Variants in MYT1 observed in about 807,000 individuals in gnomAD.
The protein encoded by MYT1 is myelin transcription factor 1.
Under a neutral mutation model 123.0 loss-of-function variants are expected in MYT1, and 23 were observed. That is an observed-to-expected ratio of 0.19 (90% CI 0.13 to 0.26). The LOEUF is 0.26. MYT1 is among the 10% of genes least tolerant of loss of function. The pLI is 1.00. For missense variants in MYT1, 1,125 were observed against 1,472.5 expected (o/e 0.76, Z 3.86); for synonymous variants, 518 against 575.3 (o/e 0.90, Z 1.43).
In MYT1 at chr20:64,232,264, G is replaced by C; in HGVS notation, c.2776G>C (p.Glu926Gln). 1.2e-6 allele frequency: 2 copies of C among 1,613,196 alleles called. No homozygotes were observed. Among genetic ancestry groups the C allele is most frequent in the South Asian group, 2.2e-5 (2 of 91,088 alleles). Residue 926 changes from glutamate to glutamine, a missense_variant, in exon 19 of 23, where the codon GAA (glutamate) becomes CAA (glutamine). Transcript: ENST00000328439. The surrounding 1 kb of genome is among the most constrained non-coding windows in gnomAD (Gnocchi z 6.9). ...CCCACTGGCCGCCCGCAGGCAGAAG[G>C]AAGGGTCCCTCAATGGCTCGTCATT... is the stretch of plus-strand genomic sequence containing the variant. Reference protein sequence around the residue: ...GCPLAARRQKEGSLNGSSFSW... With the variant: ...GCPLAARRQKQGSLNGSSFSW...
At position 64,240,495 on chromosome 20, in the gene MYT1, C is replaced by T; in HGVS notation, c.*47C>T. The T allele has an allele frequency of 3.1e-6, 5 of 1,589,382 alleles. No homozygotes were observed. The highest frequency in any genetic ancestry group is 1.1e-5 in the South Asian group (1 of 87,418). On this transcript the variant is annotated 3_prime_UTR_variant, in exon 23 of 23. Transcript: ENST00000328439. ...TCCCAGCCCACCACACCGTTTACCTCCCTCGCCCTGCCCCGCACCGTGGGG... is the reference window on the plus strand; with the variant it reads ...TCCCAGCCCACCACACCGTTTACCTTCCTCGCCCTGCCCCGCACCGTGGGG...
rs567865473 is a variant in MYT1, at chr20:64,193,870, T to C, written c.-1+3710T>C. ...GTAAGTCCATTCTAATTCTCCAGAT[T>C]TGCTGGCTGTCAGAACACATTTTAA... On this transcript the variant is annotated intron_variant, in intron 2 of 22. Coordinates refer to ENST00000328439, the MANE Select transcript of MYT1 (RefSeq NM_004535.3). The surrounding 1 kb of genome is among the most constrained non-coding windows in gnomAD (Gnocchi z 4.0). 6.6e-6 allele frequency among the ~76,000 whole-genome samples: 1 copy of C among 152,262 alleles called. No homozygotes were observed. The highest frequency in any genetic ancestry group is 2.1e-4 in the South Asian group (1 of 4,822).
chr20:64,199,428 G>A (rs568846656), intron 3 of MYT1, among the ~76,000 whole-genome samples: 4 of 152,302 alleles, frequency 2.6e-5, no homozygotes, highest in South Asian at 2.1e-4. Context: ...TGCCTGCCCC[G>A]GTCAGAGCCC....
chr20:64,209,977 A>G (rs1174511846), intron 7 of MYT1, among the ~76,000 whole-genome samples: 2 of 152,184 alleles, frequency 1.3e-5, no homozygotes, highest in African/African-American at 4.8e-5. Context: ...CCATGGGCAC[A>G]AAGAGACACA....
At chr20:64,211,943 T>G in intron 8 of MYT1, 105 bp from the exon 9 acceptor site, 1 of 919,398 alleles carries the variant, frequency 1.1e-6, no homozygotes, top group African/African-American at 1.6e-5. Context: ...GCAGCAGCCT[T>G]TGGACAAGGC....
chr20:64,201,763 C>A (rs78859966), intron 4 of MYT1, among the ~76,000 whole-genome samples: 1 of 152,140 alleles, frequency 6.6e-6, no homozygotes, highest in Non-Finnish European at 1.5e-5. Context: ...GGGGCCACAC[C>A]GTGGGTACCA....
chr20:64,240,506 C>A lies in MYT1; in HGVS notation c.*58C>A. Reference sequence around the variant, plus strand: ...CACACCGTTTACCTCCCTCGCCCTGCCCCGCACCGTGGGGATGCCCAACTC... The same window carrying A: ...CACACCGTTTACCTCCCTCGCCCTGACCCGCACCGTGGGGATGCCCAACTC... On this transcript the variant is annotated 3_prime_UTR_variant, in exon 23 of 23. Coordinates refer to ENST00000328439, the MANE Select transcript of MYT1 (RefSeq NM_004535.3). The A allele has an allele frequency of 6.4e-7, 1 of 1,551,222 alleles. No individual in the cohort carries two copies. Among genetic ancestry groups the A allele is most frequent in the South Asian group, 1.2e-5 (1 of 82,308 alleles).
rs79432621 is a variant in MYT1, at chr20:64,218,391, G to T, written c.1847-520G>T. Among the ~76,000 whole-genome samples the T allele has an allele frequency of 0.048, 7,244 of 152,194 alleles. 425 individuals are homozygous for T. Among genetic ancestry groups the T allele is most frequent in the African/African-American group, 0.13 (5,429 of 41,504 alleles). ...TGAGCAATAATGTTACTTTTTTAAGGCAGTGATGGTTACCGGGGACACCAA... is the reference window on the plus strand; with the variant it reads ...TGAGCAATAATGTTACTTTTTTAAGTCAGTGATGGTTACCGGGGACACCAA... On this transcript the variant is annotated intron_variant, in intron 11 of 22. Transcript: ENST00000328439. This position sits in a 1 kb window ranked among gnomAD's most constrained non-coding sequence, Gnocchi z 4.0.
At position 64,227,972 on chromosome 20, in the gene MYT1, G is replaced by A; in HGVS notation, c.2675+1G>A. ...ACAAGGAGGACCCCGAGCTGATGAAGTACGTTGGGCCATGCTGGCTCTTTC... is the reference window on the plus strand; with the variant it reads ...ACAAGGAGGACCCCGAGCTGATGAAATACGTTGGGCCATGCTGGCTCTTTC... On this transcript the variant is annotated splice_donor_variant, in intron 18 of 22. Coordinates refer to ENST00000328439, the MANE Select transcript of MYT1 (RefSeq NM_004535.3). LOFTEE classifies it high-confidence loss of function. 1 of 1,613,992 alleles carries A rather than the reference G, an allele frequency of 6.2e-7. No individual in the cohort carries two copies. Among genetic ancestry groups the A allele is most frequent in the Non-Finnish European group, 8.5e-7 (1 of 1,179,902 alleles).
rs114230196 is a variant in MYT1 at position 64,168,632 on chromosome 20, A to G, written c.-99+3893A>G. Among the ~76,000 whole-genome samples the G allele has an allele frequency of 2.9e-3, 436 of 152,214 alleles. 1 individual carries two copies. The highest frequency in any genetic ancestry group is 9.6e-3 in the African/African-American group (400 of 41,514). On this transcript the variant is annotated intron_variant, in intron 1 of 22. Coordinates refer to ENST00000328439, the MANE Select transcript of MYT1 (RefSeq NM_004535.3). This position sits in a 1 kb window ranked among gnomAD's most constrained non-coding sequence, Gnocchi z 6.1. ...CGGAAGCCTCCACTCAGCAGCCCCA[A>G]CCTTCAAGAGAGTGACTTTGTGCTC...
chr20:64,223,026 C>T, intron 14 of MYT1, 85 bp from the exon 15 acceptor site: 2 of 1,500,366 alleles, frequency 1.3e-6, no homozygotes, highest in East Asian at 2.3e-5. Flanking sequence ...CAGGAGTGGG[C>T]ACCAGTCTCC....
In MYT1 at chr20:64,189,782, G is replaced by T. The variant is rs548329023; in HGVS notation, c.-98-281G>T. On this transcript the variant is annotated intron_variant, in intron 1 of 22. Coordinates refer to ENST00000328439, the MANE Select transcript of MYT1 (RefSeq NM_004535.3). The surrounding 1 kb of genome is among the most constrained non-coding windows in gnomAD (Gnocchi z 5.5). The stretch of plus-strand genomic sequence containing the variant: ...GCCTTGTCCCAGCACTCTGCTGGCC[G>T]TGGTTGTCAGTGGGAACCAACACCT... Among the ~76,000 whole-genome samples the T allele has an allele frequency of 1.3e-5, 2 of 152,164 alleles. No individual in the cohort carries two copies. Among genetic ancestry groups the T allele is most frequent in the Non-Finnish European group, 2.9e-5 (2 of 68,022 alleles).
At chr20:64,188,656 A>G (rs1158068637) in intron 1 of MYT1, among the ~76,000 whole-genome samples, 4 of 152,162 alleles carry the variant, frequency 2.6e-5, no homozygotes, top group African/African-American at 9.7e-5. Context: ...TCCCTGTCAC[A>G]GAGTTGAGAA....
Position 64,223,374 on chromosome 20 carries a change from C to G in MYT1, c.2528+15C>G. 1 of 1,613,814 alleles carries G rather than the reference C, an allele frequency of 6.2e-7. No homozygotes were observed. Among genetic ancestry groups the G allele is most frequent in the South Asian group, 1.1e-5 (1 of 91,078 alleles). On this transcript the variant is annotated intron_variant, in intron 16 of 22. Transcript: ENST00000328439. ...GCTGACCTCAAGTATGTTTGCGCTCCCTGACCTCCTGTCTCTTGGGCGGCA... is the reference window on the plus strand; with the variant it reads ...GCTGACCTCAAGTATGTTTGCGCTCGCTGACCTCCTGTCTCTTGGGCGGCA...
Position 64,185,748 on chromosome 20 carries a change from G to A in MYT1, c.-98-4315G>A, listed in dbSNP as rs1460154313. ...GGTCCCCCATGGGGTTGTGCGTGGA[G>A]TGGCCACAGTGCCAGTGCAAGGAGG... is the stretch of plus-strand genomic sequence containing the variant. On this transcript the variant is annotated intron_variant, in intron 1 of 22. Transcript: ENST00000328439. The surrounding 1 kb of genome is among the most constrained non-coding windows in gnomAD (Gnocchi z 4.5). 1.3e-5 allele frequency among the ~76,000 whole-genome samples: 2 copies of A among 152,230 alleles called. No homozygotes were observed. The highest frequency in any genetic ancestry group is 2.9e-5 in the Non-Finnish European group (2 of 68,038).
At chr20:64,238,541 A>G (rs1480521221) in intron 21 of MYT1, among the ~76,000 whole-genome samples, 1 of 151,686 alleles carries the variant, frequency 6.6e-6, no homozygotes, top group Non-Finnish European at 1.5e-5. Context: ...GGGATCAGGA[A>G]GGATTTTCGC....
intron 21 of MYT1, among the ~76,000 whole-genome samples, chr20:64,238,229 G>C (rs1984609392): frequency 6.6e-6 from 1 of 152,240 alleles, no homozygotes; most frequent in South Asian, 2.1e-4. Flanking sequence ...ACAGCTAGAG[G>C]GACAAAGGGA....
chr20:64,236,684 G>T, intron 20 of MYT1, 38 bp downstream of exon 20: 2 of 1,568,528 alleles, frequency 1.3e-6, no homozygotes, highest in Middle Eastern at 3.4e-4. Context: ...CTCATGGCTG[G>T]GTGCCAGGGT....
intron 5 of MYT1, 42 bp from the exon 6 acceptor site, chr20:64,205,511 G>T (rs1983462189): frequency 6.2e-7 from 1 of 1,605,930 alleles, no homozygotes; most frequent in African/African-American, 1.3e-5. Context: ...GCCTCTCGTG[G>T]CCCTAGCCTG....
Sources: allele counts gnomAD v4.1 joint callset (sites outside exome capture counted in the v4.1 genomes callset), GRCh38; gene constraint gnomAD v4.1.1; non-coding constraint Gnocchi (gnomAD v3.1); transcripts MANE v1.5; gene names NCBI Gene and HGNC (gene_info 2026-07-23, HGNC 2026-07-21).